SYN3: variants seen among roughly 807,000 people sequenced by gnomAD.
SYN3 encodes synapsin-3.
In SYN3, 35 loss-of-function variants were observed where a neutral mutation model predicts 65.8. The observed-to-expected ratio is 0.53, with a 90% CI of 0.41 to 0.70. The LOEUF (loss-of-function observed/expected upper bound fraction) is 0.70, where lower values mean the gene tolerates loss of function less well. Among genes scored for constraint, SYN3 ranks in the 30% least tolerant of loss-of-function variants. SYN3 has a pLI of 0.00. For synonymous variants in SYN3, 270 were observed against 292.9 expected, an observed-to-expected ratio of 0.92 and a Z score of 0.80; for missense variants, 680 against 749.0, an observed-to-expected ratio of 0.91 and a Z score of 1.08.
intron 1 of SYN3, among the ~76,000 whole-genome samples, chr22:33,041,559 A>G (rs2145936005): frequency 6.6e-6 from 1 of 152,074 alleles, no homozygotes; most frequent in Non-Finnish European, 1.5e-5. Context: ...CGGCCTCCCA[A>G]AGTGCTGGAA....
chr22:32,833,124 T>G (rs1442022969), intron 6 of SYN3, among the ~76,000 whole-genome samples: 1 of 152,172 alleles, frequency 6.6e-6, no homozygotes, highest in East Asian at 1.9e-4. Flanking sequence ...GTAAAAAGAT[T>G]CCAAGTGGGG....
At chr22:32,683,815 G>C (rs1368198048) in intron 6 of SYN3, among the ~76,000 whole-genome samples, 1 of 152,082 alleles carries the variant, frequency 6.6e-6, no homozygotes, top group Non-Finnish European at 1.5e-5. Context: ...GTGTTGGGGG[G>C]AATACAATTT....
At chr22:32,577,433 C>A (rs1295890967) in intron 7 of SYN3, among the ~76,000 whole-genome samples, 1 of 152,184 alleles carries the variant, frequency 6.6e-6, no homozygotes, top group African/African-American at 2.4e-5. Context: ...TAGAAAGGGA[C>A]CCCCTTGGGA....
intron 6 of SYN3, among the ~76,000 whole-genome samples, chr22:32,814,339 G>GAAAGAAAGGAAGAAAGGAAGAA (rs369652077): frequency 9.7e-5 from 1 of 10,360 alleles, no homozygotes; most frequent in African/African-American, 2.0e-4. Flanking sequence ...AAGAAAGAAA[G>GAAAGAAAGGAAGAAAGGAAGAA]AGAAAGAAAG....
chr22:32,628,088 G>A (rs1236514196), intron 6 of SYN3, among the ~76,000 whole-genome samples: 2 of 152,134 alleles, frequency 1.3e-5, no homozygotes, highest in East Asian at 3.9e-4. Flanking sequence ...AAATCCCAAA[G>A]TGTGGGGATT....
At chr22:32,702,433 G>A (rs776141183) in intron 6 of SYN3, among the ~76,000 whole-genome samples, 5 of 152,154 alleles carry the variant, frequency 3.3e-5, no homozygotes, top group Admixed American at 6.5e-5. Context: ...AGCCGAGATC[G>A]CACTCCAGCC....
At chr22:32,866,383 G>A (rs1463645081) in intron 5 of SYN3, among the ~76,000 whole-genome samples, 1 of 152,136 alleles carries the variant, frequency 6.6e-6, no homozygotes, top group Non-Finnish European at 1.5e-5. Flanking sequence ...CAGAAATATG[G>A]AAAACGATGT....
chr22:32,582,498 T>C (rs2058963420), intron 7 of SYN3, among the ~76,000 whole-genome samples: 1 of 152,026 alleles, frequency 6.6e-6, no homozygotes, highest in Non-Finnish European at 1.5e-5. Flanking sequence ...CACAGGCACA[T>C]GCTACCACAA....
At chr22:32,872,145 CTGTT>C (rs759236529) in intron 4 of SYN3, among the ~76,000 whole-genome samples, 15 of 152,158 alleles carry the variant, frequency 9.9e-5, no homozygotes, top group African/African-American at 1.7e-4. Flanking sequence ...TTTATTTCTC[CTGTT>C]TGTTTGATTA....
chr22:32,614,257 T>C (rs1050423134), intron 6 of SYN3, among the ~76,000 whole-genome samples: 5 of 152,232 alleles, frequency 3.3e-5, no homozygotes, highest in African/African-American at 1.2e-4. Context: ...TGGTAGAGGC[T>C]GGCAGGGGTT....
At chr22:33,021,341 G>A (rs1214920525) in intron 1 of SYN3, among the ~76,000 whole-genome samples, 1 of 152,088 alleles carries the variant, frequency 6.6e-6, no homozygotes, top group African/African-American at 2.4e-5. Context: ...ATAGACTTTG[G>A]GGGTGTATAG....
chr22:32,938,909 C>T (rs1259684799), intron 3 of SYN3, among the ~76,000 whole-genome samples: 1 of 122,350 alleles, frequency 8.2e-6, no homozygotes, highest in Non-Finnish European at 1.6e-5. Context: ...GCCTGGACAG[C>T]AGGGCAAGGC....
intron 4 of SYN3, among the ~76,000 whole-genome samples, chr22:32,892,159 G>A (rs1485829317): frequency 4.6e-5 from 7 of 152,176 alleles, no homozygotes; most frequent in Non-Finnish European, 7.4e-5. Context: ...AGCCAGGCAT[G>A]GTGGCACACG....
rs746124738 is a variant in SYN3, at chr22:32,878,101, C to T, written c.462-8976G>A. Among the ~76,000 whole-genome samples, 28 of 152,268 alleles carry T rather than the reference C, an allele frequency of 1.8e-4. 1 individual carries two copies. Among genetic ancestry groups the T allele is most frequent in the East Asian group, 3.9e-4 (2 of 5,168 alleles). On this transcript the variant is annotated intron_variant, in intron 4 of 13. Coordinates refer to ENST00000358763, the MANE Select transcript of SYN3 (RefSeq NM_003490.4). ...GACTGGAGTGCAGGTCTTTGGGCTT[C>T]GAAGTCCGTGTGCACAATCACCGTG...
chr22:33,032,526 G>T (rs2053773811), intron 1 of SYN3, among the ~76,000 whole-genome samples: 1 of 151,480 alleles, frequency 6.6e-6, no homozygotes, highest in Admixed American at 6.6e-5. Context: ...AAGTTAAAAA[G>T]ATCATTAGAC....
chr22:32,585,378 G>C (rs1247806802), intron 7 of SYN3, among the ~76,000 whole-genome samples: 1 of 152,130 alleles, frequency 6.6e-6, no homozygotes, highest in Non-Finnish European at 1.5e-5. Context: ...ACTCTCTTTT[G>C]CTTATCTCCC....
At chr22:33,045,679 G>A (rs1437818177) in intron 1 of SYN3, among the ~76,000 whole-genome samples, 1 of 151,472 alleles carries the variant, frequency 6.6e-6, no homozygotes, top group Non-Finnish European at 1.5e-5. Context: ...AGCCAGGATG[G>A]TCTCGATCTC....
At position 33,017,383 on chromosome 22, in the gene SYN3, T is replaced by C. The variant is rs75863238; in HGVS notation, c.-162-10559A>G. 7.9e-3 allele frequency among the ~76,000 whole-genome samples: 1,197 copies of C among 152,356 alleles called. 21 individuals carry two copies. Among genetic ancestry groups the C allele is most frequent in the African/African-American group, 0.028 (1,159 of 41,582 alleles). On this transcript the variant is annotated intron_variant, in intron 1 of 13. Transcript: ENST00000358763. ...CTATTCAGATTCTTTTGTGGTTCTATACAAATTTTAGGATTTTTTTATTTC... is the reference window on the plus strand; with the variant it reads ...CTATTCAGATTCTTTTGTGGTTCTACACAAATTTTAGGATTTTTTTATTTC...
At chr22:32,995,115 C>T (rs1218639816) in intron 2 of SYN3, among the ~76,000 whole-genome samples, 2 of 152,180 alleles carry the variant, frequency 1.3e-5, no homozygotes, top group Non-Finnish European at 2.9e-5. Flanking sequence ...TTTGCTCCCT[C>T]CCTCCCTGCT....
Sources: gnomAD v4.1 joint callset for allele counts (sites outside exome capture counted in the v4.1 genomes callset) on GRCh38, gnomAD v4.1.1 for gene constraint, MANE v1.5 for transcripts, NCBI Gene and HGNC (gene_info 2026-07-23, HGNC 2026-07-21) for gene names.